The following PDE11A variants were observed in gnomAD, a reference collection of about 807,000 sequenced individuals.
The protein encoded by PDE11A is dual 3',5'-cyclic-AMP and -GMP phosphodiesterase 11A.
PDE11A carries 100 observed loss-of-function variants against 100.5 expected under a neutral mutation model. That is an observed-to-expected ratio of 1.00 (90% CI 0.85 to 1.18). The LOEUF (loss-of-function observed/expected upper bound fraction) is 1.18. Among genes scored for constraint, PDE11A ranks in the 50% most tolerant of loss-of-function variants. The pLI is 0.00. For synonymous variants in PDE11A, 381 were observed against 420.8 expected (o/e 0.91, Z 1.16); for missense variants, 1,141 against 1,152.6 (o/e 0.99, Z 0.15).
intron 2 of PDE11A, among the ~76,000 whole-genome samples, chr2:178,013,437 T>A (rs1047966867): frequency 1.3e-5 from 2 of 152,206 alleles, no homozygotes; most frequent in Admixed American, 6.5e-5. Flanking sequence ...CCTTCTTGTT[T>A]CCTTACAATC....
At chr2:177,737,366 CAGG>C (rs2081802859) in intron 10 of PDE11A, among the ~76,000 whole-genome samples, 1 of 151,446 alleles carries the variant, frequency 6.6e-6, no homozygotes, top group Admixed American at 6.6e-5. Flanking sequence ...ATCACGAGGT[CAGG>C]AGATCGAGAC....
At chr2:177,829,358 A>G (rs2083274668) in intron 6 of PDE11A, among the ~76,000 whole-genome samples, 1 of 152,086 alleles carries the variant, frequency 6.6e-6, no homozygotes, top group Non-Finnish European at 1.5e-5. Context: ...TCTTGTAGAC[A>G]TTTTAAAATA....
intron 5 of PDE11A, among the ~76,000 whole-genome samples, chr2:177,844,763 G>C (rs2105633203): frequency 6.6e-6 from 1 of 150,996 alleles, no homozygotes; most frequent in East Asian, 1.9e-4. Flanking sequence ...CTGCCTTCAA[G>C]CATCTGTTTA....
chr2:177,630,722 A>G (rs1267084056), intron 19 of PDE11A, among the ~76,000 whole-genome samples: 1 of 152,166 alleles, frequency 6.6e-6, no homozygotes, highest in East Asian at 1.9e-4. Flanking sequence ...AAAGGCTTCT[A>G]ACATATTCAA....
intron 7 of PDE11A, among the ~76,000 whole-genome samples, chr2:177,819,894 C>G (rs1038434170): frequency 2.2e-5 from 3 of 134,528 alleles, no homozygotes; most frequent in African/African-American, 9.2e-5. Flanking sequence ...CTCTCTCTCT[C>G]TGTCTCTGTC....
At chr2:177,916,260 G>T (rs1361561973) in intron 2 of PDE11A, among the ~76,000 whole-genome samples, 1 of 152,176 alleles carries the variant, frequency 6.6e-6, no homozygotes, top group Admixed American at 6.5e-5. Flanking sequence ...GGTTGGCTAT[G>T]CAGGAATTAA....
At chr2:177,728,656 G>A (rs1008146357) in intron 10 of PDE11A, among the ~76,000 whole-genome samples, 1 of 152,144 alleles carries the variant, frequency 6.6e-6, no homozygotes, top group African/African-American at 2.4e-5. Flanking sequence ...TTACACACGT[G>A]TTCTGTATAT....
At chr2:177,642,987 C>T (rs570270394) in intron 19 of PDE11A, among the ~76,000 whole-genome samples, 1 of 152,296 alleles carries the variant, frequency 6.6e-6, no homozygotes, top group South Asian at 2.1e-4. Context: ...TGACTTCCTC[C>T]TCCTTGTCTT....
At chr2:177,664,289 T>C (rs1454708564) in intron 18 of PDE11A, among the ~76,000 whole-genome samples, 1 of 152,216 alleles carries the variant, frequency 6.6e-6, no homozygotes, top group Non-Finnish European at 1.5e-5. Context: ...TATGTTTTAC[T>C]GCCACAAAAA....
At chr2:177,709,453 G>A (rs2081326855) in intron 13 of PDE11A, among the ~76,000 whole-genome samples, 1 of 152,164 alleles carries the variant, frequency 6.6e-6, no homozygotes, top group Non-Finnish European at 1.5e-5. Flanking sequence ...CCTTGGGGTA[G>A]AGAATACAAG....
intron 1 of PDE11A, among the ~76,000 whole-genome samples, chr2:178,029,774 T>A (rs972183284): frequency 3.2e-4 from 49 of 152,200 alleles, no homozygotes; most frequent in African/African-American, 1.1e-3. Context: ...AAAATTTAAT[T>A]GCCATTGTGA....
intron 2 of PDE11A, among the ~76,000 whole-genome samples, chr2:177,996,807 AAG>A (rs1273452431): frequency 4.6e-5 from 7 of 152,308 alleles, no homozygotes; most frequent in African/African-American, 1.7e-4. Flanking sequence ...AAACAGAGGA[AAG>A]AGGAAAATCA....
intron 2 of PDE11A, among the ~76,000 whole-genome samples, chr2:178,083,917 G>GA (rs2087317265): frequency 6.6e-6 from 1 of 152,044 alleles, no homozygotes; most frequent in South Asian, 2.1e-4. Context: ...ATTATATAAA[G>GA]AAAAAATAAG....
rs900754454 is a variant in PDE11A, at chr2:177,714,150, C to T, written c.2044-2272G>A. 1.2e-4 allele frequency among the ~76,000 whole-genome samples: 18 copies of T among 151,846 alleles called. No homozygotes were observed. In the South Asian group the frequency reaches 1.3e-3, roughly 11 times the overall value. Reference sequence around the variant, plus strand: ...CTGGGACTACAGGTGCCCGCCACCACGCCCAGCTAATTTTTTGTATTTTTA... The same window carrying T: ...CTGGGACTACAGGTGCCCGCCACCATGCCCAGCTAATTTTTTGTATTTTTA... On this transcript the variant is annotated intron_variant, in intron 12 of 19. Transcript: ENST00000286063.
intron 2 of PDE11A, among the ~76,000 whole-genome samples, chr2:178,005,425 A>C (rs2086196007): frequency 6.6e-6 from 1 of 152,140 alleles, no homozygotes; most frequent in Non-Finnish European, 1.5e-5. Flanking sequence ...TGAGGGGAGA[A>C]CTGCTTGAGC....
At chr2:178,026,942 T>A (rs2086486144) in intron 1 of PDE11A, among the ~76,000 whole-genome samples, 1 of 152,084 alleles carries the variant, frequency 6.6e-6, no homozygotes, top group Admixed American at 6.6e-5. Flanking sequence ...CTTAATAAAT[T>A]GCAAAAGTAA....
chr2:178,008,937 T>A (rs2086243885), intron 2 of PDE11A, among the ~76,000 whole-genome samples: 1 of 152,174 alleles, frequency 6.6e-6, no homozygotes, highest in South Asian at 2.1e-4. Context: ...CTACAGAGAT[T>A]AGCCAAAGAA....
At chr2:178,047,911 T>C (rs2086772812) in intron 1 of PDE11A, among the ~76,000 whole-genome samples, 1 of 152,184 alleles carries the variant, frequency 6.6e-6, no homozygotes, top group Non-Finnish European at 1.5e-5. Context: ...AGCCCAGATT[T>C]ATGCCCCTTC....
chr2:178,013,728 G>T (rs758439047), intron 2 of PDE11A, among the ~76,000 whole-genome samples: 2 of 151,988 alleles, frequency 1.3e-5, no homozygotes, highest in Non-Finnish European at 2.9e-5. Flanking sequence ...AATATAAACT[G>T]GTAAATAAAC....
Sources: allele counts gnomAD v4.1 joint callset (sites outside exome capture counted in the v4.1 genomes callset), GRCh38; gene constraint gnomAD v4.1.1; transcripts MANE v1.5; gene names NCBI Gene and HGNC (gene_info 2026-07-23, HGNC 2026-07-21).